TRIM33: variants seen among roughly 807,000 people sequenced by gnomAD.
TRIM33 encodes the protein tripartite motif containing 33.
Under a neutral mutation model 125.4 loss-of-function variants are expected in TRIM33, and 20 were observed. The observed-to-expected ratio is 0.16, with a 90% CI of 0.11 to 0.23. The LOEUF (loss-of-function observed/expected upper bound fraction) is 0.23, where lower values mean the gene tolerates loss of function less well. Among genes scored for constraint, TRIM33 ranks in the 10% least tolerant of loss-of-function variants. The pLI is 1.00. For missense variants in TRIM33, 920 were observed against 1,411.4 expected (o/e 0.65, Z 5.58); for synonymous variants, 564 against 513.9 (o/e 1.10, Z -1.32).
Position 114,463,202 on chromosome 1 carries a change from G to A in TRIM33, c.825C>T (p.Phe275=). 1 of 1,612,704 alleles carries A rather than the reference G, an allele frequency of 6.2e-7. No individual in the cohort carries two copies. Among genetic ancestry groups the A allele is most frequent in the East Asian group, 2.2e-5 (1 of 44,826 alleles). ...ACTGTTCTTGTTTGTGTACAGGGCA[G>A]AAAACAGGGCGTTGACCAGATGCTC... is the stretch of plus-strand genomic sequence containing the variant. ...SVGASGQRPV[F]CPVHKQEQLK... Residue 275 remains phenylalanine, a synonymous_variant, in exon 4 of 20, where the codon TTC becomes TTT. Transcript: ENST00000358465.
chr1:114,431,744 A>T (rs1378683199), intron 5 of TRIM33, among the ~76,000 whole-genome samples: 1 of 152,232 alleles, frequency 6.6e-6, no homozygotes, highest in Non-Finnish European at 1.5e-5. Context: ...AATACACTCC[A>T]AGAAATAATG....
intron 4 of TRIM33, among the ~76,000 whole-genome samples, chr1:114,443,657 ACT>A (rs966393597): frequency 6.6e-6 from 1 of 152,162 alleles, no homozygotes; most frequent in African/African-American, 2.4e-5. Context: ...TTAAGTAGCC[ACT>A]CTCTCTTAAA....
At chr1:114,474,291 C>A (rs966282660) in intron 1 of TRIM33, among the ~76,000 whole-genome samples, 2 of 151,816 alleles carry the variant, frequency 1.3e-5, no homozygotes, top group Non-Finnish European at 2.9e-5. Context: ...GAGCTGGAGT[C>A]TTGGTGCGGT....
At chr1:114,448,887 A>AT (rs2101290943) in intron 4 of TRIM33, among the ~76,000 whole-genome samples, 1 of 152,322 alleles carries the variant, frequency 6.6e-6, no homozygotes, top group South Asian at 2.1e-4. Flanking sequence ...GACTATGCAT[A>AT]TGAGTGGCTA....
In TRIM33 at chr1:114,425,601, G is replaced by A; in HGVS notation, c.1543C>T (p.Arg515Ter). ...ACTTGTTGTTGCATGTGCTGGAGTC[G>A]AAGCTGTGCTAAGTTAATCTGTCCA... ...TPGQINLAQL[R>*]LQHMQQQVYA... Residue 515 changes from arginine (R) to a stop codon, truncating the protein, a stop_gained, in exon 9 of 20, where the codon CGA (arginine) becomes TGA (stop). Coordinates refer to ENST00000358465, the MANE Select transcript of TRIM33 (RefSeq NM_015906.4). LOFTEE classifies it high-confidence loss of function. 6.2e-7 allele frequency: 1 copy of A among 1,614,090 alleles called. No homozygotes were observed. Among genetic ancestry groups the A allele is most frequent in the Non-Finnish European group, 8.5e-7 (1 of 1,180,018 alleles).
rs1176091892 is a variant in TRIM33, at chr1:114,425,472, C to T, written c.1672G>A (p.Ala558Thr). 1 of 1,613,956 alleles carries T rather than the reference C, an allele frequency of 6.2e-7. No homozygotes were observed. The highest frequency in any genetic ancestry group is 1.7e-5 in the Admixed American group (1 of 60,002). Reference sequence around the variant, plus strand: ...ACCTGTTGTTGTAACATCTGAGGGGCTGCTTGTCTAGGATGCTGTTGTGTT... The same window carrying T: ...ACCTGTTGTTGTAACATCTGAGGGGTTGCTTGTCTAGGATGCTGTTGTGTT... ...TTTQQHPRQA[A>T]PQMLQQQPPR... is the part of the protein sequence containing the mutation. The change falls in exon 9 of 20, where the codon GCC becomes ACC. Residue 558 changes from alanine (A) to threonine (T), a missense_variant. By Grantham distance (58) the Ala-to-Thr change is moderately conservative. Transcript: ENST00000358465.
intron 1 of TRIM33, among the ~76,000 whole-genome samples, chr1:114,465,940 G>A (rs1650270526): frequency 6.6e-6 from 1 of 151,944 alleles, no homozygotes; most frequent in Non-Finnish European, 1.5e-5. Flanking sequence ...CTACTCAGGA[G>A]GGCGAGATAG....
At chr1:114,504,145 T>A (rs1054302771) in intron 1 of TRIM33, among the ~76,000 whole-genome samples, 4 of 152,058 alleles carry the variant, frequency 2.6e-5, no homozygotes, top group African/African-American at 4.8e-5. Context: ...GGAGCCATTA[T>A]CCTTTTTTTT....
In TRIM33 at chr1:114,510,971, G is replaced by C; in HGVS notation, c.106C>G (p.Pro36Ala). ...AAGPAAQEAEPPLTAVLVEEE... is the reference protein window; with the variant it reads ...AAGPAAQEAEAPLTAVLVEEE... Reference sequence around the variant, plus strand: ...TCCACCAGCACCGCGGTGAGAGGCGGCTCCGCCTCCTGCGCGGCGGGCCCG... The same window carrying C: ...TCCACCAGCACCGCGGTGAGAGGCGCCTCCGCCTCCTGCGCGGCGGGCCCG... Residue 36 changes from proline (P) to alanine (A), a missense_variant, in exon 1 of 20, where the codon CCG becomes GCG. Physicochemically the swap from Pro to Ala is conservative, Grantham distance 27. Coordinates refer to ENST00000358465, the MANE Select transcript of TRIM33 (RefSeq NM_015906.4). The C allele has an allele frequency of 2.9e-6, 4 of 1,367,186 alleles. No individual in the cohort carries two copies. The highest frequency in any genetic ancestry group is 1.7e-5 in the South Asian group (1 of 58,622). 84.7% of individuals were successfully genotyped at this position (1,367,186 alleles called of 1,614,324 possible).
chr1:114,393,164 A>T lies in TRIM33; in HGVS notation c.*4484T>A. 4.6e-6 allele frequency: 1 copy of T among 215,486 alleles called. No homozygotes were observed. Among genetic ancestry groups the T allele is most frequent in the Non-Finnish European group, 9.4e-6 (1 of 106,390 alleles). The allele number at this position is 215,486 out of a possible 1,614,324, so 13.3% of individuals were successfully genotyped here. A position where few individuals can be genotyped will look rare whatever the true frequency, so the allele number is the denominator to read the frequency against. On this transcript the variant is annotated 3_prime_UTR_variant, in exon 20 of 20. Transcript: ENST00000358465. ...GGGAGGAGACCAATTGAAATACTGG[A>T]AGCAAGGAACTAGTAAGGCTGTGAA...
chr1:114,435,608 G>A (rs982794369), intron 4 of TRIM33, among the ~76,000 whole-genome samples: 1 of 152,068 alleles, frequency 6.6e-6, no homozygotes, highest in African/African-American at 2.4e-5. Flanking sequence ...GGATACAAGA[G>A]GTACAAGAAG....
At chr1:114,406,167 G>C (rs1156352566) in intron 14 of TRIM33, among the ~76,000 whole-genome samples, 1 of 152,062 alleles carries the variant, frequency 6.6e-6, no homozygotes, top group African/African-American at 2.4e-5. Context: ...TTGTAGGAAG[G>C]CTGCAACAAC....
intron 5 of TRIM33, among the ~76,000 whole-genome samples, chr1:114,432,991 AGCTCAAAGT>A (rs1648059743): frequency 6.6e-6 from 1 of 152,234 alleles, no homozygotes; most frequent in South Asian, 2.1e-4. Context: ...TAATTATGCC[AGCTCAAAGT>A]GTTTGTCTTT....
intron 16 of TRIM33, among the ~76,000 whole-genome samples, chr1:114,401,832 T>C (rs1178308336): frequency 6.6e-6 from 1 of 152,174 alleles, no homozygotes; most frequent in Non-Finnish European, 1.5e-5. Flanking sequence ...GCAAGACAAA[T>C]GTTGAAAGTT....
chr1:114,420,544 T>G, intron 11 of TRIM33: 1 of 630,566 alleles, frequency 1.6e-6, no homozygotes, highest in Non-Finnish European at 2.7e-6. Context: ...TTCCCATAAT[T>G]TGCTATTCAT....
intron 1 of TRIM33, among the ~76,000 whole-genome samples, chr1:114,487,760 G>A (rs1231448504): frequency 2.0e-5 from 3 of 150,716 alleles, no homozygotes; most frequent in East Asian, 1.9e-4. Flanking sequence ...AGCCGGGCGC[G>A]GTGGCGGGCG....
rs763874275 is a variant in TRIM33, at chr1:114,397,771, T to A, written c.3261A>T (p.Ala1087=). ...LTEIYSDRTF[A]PLPEFEQEED... ...CTTCCTGCTCAAACTCTGGCAAAGG[T>A]GCGAAGGTCCTGTCTGAGTAGATCT... The change falls in exon 20 of 20, where the codon GCA becomes GCT. Residue 1087 remains alanine, a synonymous_variant. Coordinates refer to ENST00000358465, the MANE Select transcript of TRIM33 (RefSeq NM_015906.4). 6.2e-7 allele frequency: 1 copy of A among 1,613,930 alleles called. No homozygotes were observed. The highest frequency in any genetic ancestry group is 8.5e-7 in the Non-Finnish European group (1 of 1,179,934).
chr1:114,510,421 T>C (rs1653273085), intron 1 of TRIM33, 130 bp downstream of exon 1: 14 of 837,010 alleles, frequency 1.7e-5, no homozygotes, highest in Non-Finnish European at 2.0e-5. Context: ...GGGGCGAGTC[T>C]TTCACCTTAG....
intron 1 of TRIM33, among the ~76,000 whole-genome samples, chr1:114,479,679 T>C (rs900356360): frequency 6.6e-6 from 1 of 152,206 alleles, no homozygotes; most frequent in Non-Finnish European, 1.5e-5. Context: ...ATCATGACTA[T>C]AACAATACAA....
Sources: allele counts gnomAD v4.1 joint callset (sites outside exome capture counted in the v4.1 genomes callset), GRCh38; gene constraint gnomAD v4.1.1; transcripts MANE v1.5; gene names NCBI Gene and HGNC (gene_info 2026-07-23, HGNC 2026-07-21).